WDPCP: variants seen among roughly 807,000 people sequenced by gnomAD.
The protein encoded by WDPCP is WD repeat containing planar cell polarity effector.
In WDPCP, 71 loss-of-function variants were observed where a neutral mutation model predicts 93.1. The observed-to-expected ratio is 0.76, with a 90% CI of 0.63 to 0.93. WDPCP has a LOEUF of 0.93. Among genes scored for constraint, WDPCP ranks in the 40% least tolerant of loss-of-function variants. The pLI is 0.00. For missense variants in WDPCP, 844 were observed against 887.4 expected (o/e 0.95, Z 0.62); for synonymous variants, 315 against 315.0 (o/e 1.00, Z 0.00).
intron 2 of WDPCP, among the ~76,000 whole-genome samples, chr2:63,750,520 T>G (rs1488958147): frequency 6.6e-6 from 1 of 152,140 alleles, no homozygotes; most frequent in Non-Finnish European, 1.5e-5. Context: ...TTGCAATAAC[T>G]AGGACCTTCA....
chr2:63,718,497 G>C lies in WDPCP; in HGVS notation n.309-67659C>G, dbSNP rs538891833. On this transcript the variant is annotated intron_variant and non_coding_transcript_variant, in intron 2 of 4. Transcript: ENST00000467687. ...TCGTGGTGTTAATTTGCATTTCTCT[G>C]ATGATTAGTGACGTAGAGCATTTTT... 4.5e-4 allele frequency among the ~76,000 whole-genome samples: 69 copies of C among 152,230 alleles called. 1 individual carries two copies. Among genetic ancestry groups the C allele is most frequent in the African/African-American group, 1.5e-3 (64 of 41,560 alleles).
chr2:63,753,098 G>C (rs534419907), intron 2 of WDPCP, among the ~76,000 whole-genome samples: 1 of 152,218 alleles, frequency 6.6e-6, no homozygotes, highest in East Asian at 1.9e-4. Flanking sequence ...AAATATATCA[G>C]TATTGTGTTA....
chr2:63,582,528 A>C (rs1036994901), intron 1 of WDPCP, among the ~76,000 whole-genome samples: 1 of 152,132 alleles, frequency 6.6e-6, no homozygotes. Flanking sequence ...AAATTTCCCC[A>C]AATTCATTGA....
chr2:63,717,014 A>G (rs1424436396), intron 2 of WDPCP: 6 of 221,814 alleles, frequency 2.7e-5, no homozygotes, highest in Non-Finnish European at 5.3e-5. Flanking sequence ...TCTCCTTTCA[A>G]CCTTGTCCAC....
chr2:63,832,661 T>C (rs1188682674), upstream of WDPCP, among the ~76,000 whole-genome samples: 3 of 152,214 alleles, frequency 2.0e-5, no homozygotes, highest in Non-Finnish European at 4.4e-5. Context: ...TATACACCTA[T>C]ACAGTACTCT....
intron 1 of WDPCP, among the ~76,000 whole-genome samples, chr2:63,504,324 T>TTG (rs60202196): frequency 0.12 from 17,180 of 137,928 alleles, 1,096 homozygotes; most frequent in East Asian, 0.25. Context: ...ACGTACTAAA[T>TTG]TGTGTGTGTG....
chr2:63,331,918 T>TA (rs970053885), intron 12 of WDPCP, among the ~76,000 whole-genome samples: 5 of 151,292 alleles, frequency 3.3e-5, no homozygotes, highest in Admixed American at 6.6e-5. Context: ...AGCTAGCTTT[T>TA]AAAAAAAAAT....
intron 2 of WDPCP, among the ~76,000 whole-genome samples, chr2:63,750,184 G>T (rs760514720): frequency 6.6e-6 from 1 of 152,016 alleles, no homozygotes; most frequent in Non-Finnish European, 1.5e-5. Flanking sequence ...GACACAGGGA[G>T]GCATCAGAAT....
chr2:63,814,270 G>C (rs765074512), intron 1 of WDPCP, among the ~76,000 whole-genome samples: 23 of 151,918 alleles, frequency 1.5e-4, no homozygotes, highest in Non-Finnish European at 2.6e-4. Flanking sequence ...AGATAGTCAT[G>C]TGACACATTC....
At chr2:63,171,804 T>C (rs539937821) in intron 15 of WDPCP, among the ~76,000 whole-genome samples, 38 of 152,178 alleles carry the variant, frequency 2.5e-4, no homozygotes, top group African/African-American at 8.7e-4. Context: ...CATCAGCTGG[T>C]GAGTGGATAA....
intron 1 of WDPCP, among the ~76,000 whole-genome samples, chr2:63,554,788 C>A (rs1474554677): frequency 6.6e-5 from 10 of 152,268 alleles, no homozygotes; most frequent in Non-Finnish European, 1.5e-5. Context: ...ACTGAGGTAT[C>A]CAGGTTCTCT....
At chr2:63,645,896 A>G (rs1201882379) in intron 3 of WDPCP, among the ~76,000 whole-genome samples, 4 of 152,020 alleles carry the variant, frequency 2.6e-5, no homozygotes, top group African/African-American at 9.7e-5. Context: ...GTGTGTCTTT[A>G]TAGGTGAAGT....
At chr2:63,439,629 G>A (rs1395112565) in intron 7 of WDPCP, 128 bp downstream of exon 7, 7 of 750,744 alleles carry the variant, frequency 9.3e-6, no homozygotes, top group East Asian at 2.5e-5. Flanking sequence ...GTGTAAGTAC[G>A]CTATTACAAG....
chr2:63,760,672 C>G (rs1463046808), intron 2 of WDPCP, among the ~76,000 whole-genome samples: 1 of 152,178 alleles, frequency 6.6e-6, no homozygotes, highest in Non-Finnish European at 1.5e-5. Flanking sequence ...TTTTCCAAAG[C>G]TGAAGTCTCC....
At position 63,588,386 on chromosome 2, in the gene WDPCP, T is replaced by G. The variant is rs1319719855; in HGVS notation, c.-115A>C. The G allele has an allele frequency of 8.1e-7, 1 of 1,230,256 alleles. No individual in the cohort carries two copies. The highest frequency in any genetic ancestry group is 1.5e-5 in the African/African-American group (1 of 66,808). 76.2% of individuals were successfully genotyped at this position (1,230,256 alleles called of 1,614,324 possible). On this transcript the variant is annotated 5_prime_UTR_variant, in exon 1 of 18. Coordinates refer to ENST00000272321, the MANE Select transcript of WDPCP (RefSeq NM_015910.7). The stretch of plus-strand genomic sequence containing the variant: ...AGGACGCCGCCGCCGCCGCCACAGT[T>G]TCCTCAGGTGCTACAAAGCAGCCAG...
At chr2:63,130,861 A>AT (rs1197557472) in intron 17 of WDPCP, among the ~76,000 whole-genome samples, 1 of 152,102 alleles carries the variant, frequency 6.6e-6, no homozygotes, top group Non-Finnish European at 1.5e-5. Context: ...TGTTTGCTTC[A>AT]TATATTTAAG....
chr2:63,165,952 C>G (rs1461148562), intron 15 of WDPCP, among the ~76,000 whole-genome samples: 1 of 151,436 alleles, frequency 6.6e-6, no homozygotes, highest in African/African-American at 2.4e-5. Flanking sequence ...TGTTCTTTGT[C>G]TTCTACCTGA....
At chr2:63,369,888 TA>T (rs1277891831) in intron 12 of WDPCP, among the ~76,000 whole-genome samples, 1 of 152,086 alleles carries the variant, frequency 6.6e-6, no homozygotes, top group African/African-American at 2.4e-5. Context: ...AAGCAAAATA[TA>T]AGGACTTCTT....
At chr2:63,162,060 G>A (rs764585285) in intron 15 of WDPCP, among the ~76,000 whole-genome samples, 16 of 152,116 alleles carry the variant, frequency 1.1e-4, no homozygotes, top group Non-Finnish European at 1.8e-4. Flanking sequence ...GTGAGCTACT[G>A]TGCCCAGCCA....
Sources: gnomAD v4.1 joint callset for allele counts (sites outside exome capture counted in the v4.1 genomes callset) on GRCh38, gnomAD v4.1.1 for gene constraint, MANE v1.5 for transcripts, NCBI Gene and HGNC (gene_info 2026-07-23, HGNC 2026-07-21) for gene names.